Variants in MARK2 observed in about 807,000 individuals in gnomAD.
MARK2 encodes the protein serine/threonine-protein kinase MARK2.
MARK2 carries 16 observed loss-of-function variants against 89.8 expected under a neutral mutation model. The observed-to-expected ratio is 0.18, with a 90% CI of 0.12 to 0.27. The LOEUF (loss-of-function observed/expected upper bound fraction) is 0.27, where lower values mean the gene tolerates loss of function less well. MARK2 is among the 10% of genes least tolerant of loss of function. The probability of loss-of-function intolerance (pLI) is 1.00; values close to 1 mark genes in which losing one functional copy is unlikely to be tolerated. For missense variants in MARK2, 621 were observed against 1,049.9 expected (o/e 0.59, Z 5.65); for synonymous variants, 382 against 399.5 (o/e 0.96, Z 0.52).
At chr11:63,848,076 T>C (rs548047781) in intron 1 of MARK2, among the ~76,000 whole-genome samples, 11 of 152,360 alleles carry the variant, frequency 7.2e-5, no homozygotes, top group African/African-American at 2.6e-4. Context: ...GAGCTTCCGG[T>C]CACCATGTGT....
In MARK2 at chr11:63,902,843, G is replaced by T. The variant is rs1407126167; in HGVS notation, c.1416+61G>T. On this transcript the variant is annotated intron_variant, in intron 13 of 18. Coordinates refer to ENST00000402010, the MANE Select transcript of MARK2 (RefSeq NM_001039469.3). This position sits in a 1 kb window ranked among gnomAD's most constrained non-coding sequence, Gnocchi z 4.2. Reference sequence around the variant, plus strand: ...CGGTGGGGCCTGCCCTCTCCAGGCAGCTCTTCTCTTAATTCAGACTCTGTT... The same window carrying T: ...CGGTGGGGCCTGCCCTCTCCAGGCATCTCTTCTCTTAATTCAGACTCTGTT... 7 of 1,391,372 alleles carry T rather than the reference G, an allele frequency of 5.0e-6. No individual in the cohort carries two copies. Among genetic ancestry groups the T allele is most frequent in the Non-Finnish European group, 7.1e-6 (7 of 991,528 alleles). 86.2% of individuals were successfully genotyped at this position (1,391,372 alleles called of 1,614,324 possible). A position where few individuals can be genotyped will look rare whatever the true frequency, so the allele number is the denominator to read the frequency against.
chr11:63,844,231 G>C (rs1203207002), intron 1 of MARK2, among the ~76,000 whole-genome samples: 1 of 152,218 alleles, frequency 6.6e-6, no homozygotes, highest in Non-Finnish European at 1.5e-5. Context: ...TGTAGTCCTA[G>C]CACTTTGGGA....
intron 1 of MARK2, among the ~76,000 whole-genome samples, chr11:63,858,542 T>C (rs985412548): frequency 1.3e-5 from 2 of 151,944 alleles, no homozygotes; most frequent in African/African-American, 2.4e-5. Flanking sequence ...TTAGTAGAGA[T>C]AGGGTTTTCA....
intron 7 of MARK2, among the ~76,000 whole-genome samples, chr11:63,899,363 C>T (rs1940680279): frequency 1.3e-5 from 2 of 152,092 alleles, no homozygotes; most frequent in East Asian, 3.9e-4. Flanking sequence ...TGCCATTTCA[C>T]CTCTTGGCAC....
chr11:63,847,425 G>T (rs553877201), intron 1 of MARK2, among the ~76,000 whole-genome samples: 1 of 152,264 alleles, frequency 6.6e-6, no homozygotes, highest in South Asian at 2.1e-4. Context: ...TCAGTGACTG[G>T]CTCCCAGCCA....
intron 1 of MARK2, among the ~76,000 whole-genome samples, chr11:63,842,373 C>T (rs911323316): frequency 6.6e-6 from 1 of 152,104 alleles, no homozygotes; most frequent in South Asian, 2.1e-4. Flanking sequence ...CACACCGCCA[C>T]GCCCGGCTAA....
At chr11:63,879,687 T>G (rs1938976421) in intron 1 of MARK2, among the ~76,000 whole-genome samples, 1 of 152,082 alleles carries the variant, frequency 6.6e-6, no homozygotes, top group Non-Finnish European at 1.5e-5. Flanking sequence ...AGTGGTCACT[T>G]AAGTGGAGTA....
At chr11:63,895,718 G>A (rs1299242754) in intron 3 of MARK2, 85 bp downstream of exon 3, 5 of 1,188,454 alleles carry the variant, frequency 4.2e-6, no homozygotes, top group Non-Finnish European at 6.1e-6. Context: ...CGCCCAGGCT[G>A]GAGTGCAATG....
At position 63,864,961 on chromosome 11, in the gene MARK2, G is replaced by A. The variant is rs539823906; in HGVS notation, c.54+25401G>A. Among the ~76,000 whole-genome samples, 4 of 152,140 alleles carry A rather than the reference G, an allele frequency of 2.6e-5. No individual in the cohort carries two copies. The East Asian group carries it at 7.8e-4, about 30-fold the overall frequency. Reference sequence around the variant, plus strand: ...GCCCAGGCTGCTGTAGTACAGTGACGCAGTCTCGGCCTTGACCTCCCAGGC... The same window carrying A: ...GCCCAGGCTGCTGTAGTACAGTGACACAGTCTCGGCCTTGACCTCCCAGGC... On this transcript the variant is annotated intron_variant, in intron 1 of 18. Transcript: ENST00000402010.
chr11:63,910,671 TA>T lies in MARK2; in HGVS notation c.*1435del, dbSNP rs1453354041. 7.2e-6 allele frequency: 1 copy of T among 139,096 alleles called. No homozygotes were observed. 8.6% of individuals were successfully genotyped at this position (139,096 alleles called of 1,614,324 possible). Reference sequence around the variant, plus strand: ...TATTTTATTTTTTTTTTTTTTGATTTATGATGACTCCACCCCTCTTCATCAC... The same window carrying T: ...TATTTTATTTTTTTTTTTTTTGATTTTGATGACTCCACCCCTCTTCATCAC... On this transcript the variant is annotated 3_prime_UTR_variant, in exon 19 of 19. Transcript: ENST00000402010.
intron 11 of MARK2, among the ~76,000 whole-genome samples, chr11:63,901,501 G>A (rs1401732287): frequency 2.6e-4 from 10 of 38,392 alleles, no homozygotes; most frequent in African/African-American, 8.4e-4. Context: ...TTTTTGAGAC[G>A]GAATTTCGCT....
At chr11:63,854,594 G>A (rs1008217892) in intron 1 of MARK2, among the ~76,000 whole-genome samples, 3 of 151,584 alleles carry the variant, frequency 2.0e-5, no homozygotes, top group African/African-American at 7.3e-5. Context: ...CAACACTTTC[G>A]GAGGCCAAGG....
intron 1 of MARK2, among the ~76,000 whole-genome samples, chr11:63,876,135 T>C (rs1028311024): frequency 1.3e-5 from 2 of 152,212 alleles, no homozygotes; most frequent in African/African-American, 4.8e-5. Context: ...TGGAGACTTT[T>C]CTAGCTCCAT....
intron 1 of MARK2, among the ~76,000 whole-genome samples, chr11:63,884,941 C>T (rs543939587): frequency 6.6e-6 from 1 of 152,364 alleles, no homozygotes; most frequent in East Asian, 1.9e-4. Flanking sequence ...GTGGCTCACT[C>T]CTGTGATCCC....
chr11:63,873,920 T>TA (rs1938598299), intron 1 of MARK2, among the ~76,000 whole-genome samples: 1 of 152,228 alleles, frequency 6.6e-6, no homozygotes, highest in South Asian at 2.1e-4. Flanking sequence ...GGACTGGGAT[T>TA]ACAGGCATGA....
chr11:63,894,332 G>A (rs972479561), intron 1 of MARK2, among the ~76,000 whole-genome samples: 9 of 152,320 alleles, frequency 5.9e-5, no homozygotes, highest in African/African-American at 1.2e-4. Context: ...CGTCTCCTAC[G>A]CGGGAGACTC....
At chr11:63,874,851 C>T (rs1938650479) in intron 1 of MARK2, among the ~76,000 whole-genome samples, 2 of 151,164 alleles carry the variant, frequency 1.3e-5, no homozygotes, top group South Asian at 2.1e-4. Flanking sequence ...TCCTGGTCCA[C>T]GAAGAAAGGT....
chr11:63,902,840 G>A lies in MARK2; in HGVS notation c.1416+58G>A. 7.1e-7 allele frequency: 1 copy of A among 1,410,160 alleles called. No individual in the cohort carries two copies. The allele number at this position is 1,410,160 out of a possible 1,614,324, so 87.4% of individuals were successfully genotyped here. A position where few individuals can be genotyped will look rare whatever the true frequency, so the allele number is the denominator to read the frequency against. ...CTGCGGTGGGGCCTGCCCTCTCCAG[G>A]CAGCTCTTCTCTTAATTCAGACTCT... On this transcript the variant is annotated intron_variant, in intron 13 of 18. Coordinates refer to ENST00000402010, the MANE Select transcript of MARK2 (RefSeq NM_001039469.3). This position sits in a 1 kb window ranked among gnomAD's most constrained non-coding sequence, Gnocchi z 4.2.
At chr11:63,872,504 G>A (rs193286673) in intron 1 of MARK2, among the ~76,000 whole-genome samples, 2 of 152,124 alleles carry the variant, frequency 1.3e-5, no homozygotes, top group Non-Finnish European at 2.9e-5. Flanking sequence ...ATAGGCTGTC[G>A]TCTCCTGCCA....
Sources: allele counts gnomAD v4.1 joint callset (sites outside exome capture counted in the v4.1 genomes callset), GRCh38; gene constraint gnomAD v4.1.1; non-coding constraint Gnocchi (gnomAD v3.1); transcripts MANE v1.5; gene names NCBI Gene and HGNC (gene_info 2026-07-23, HGNC 2026-07-21).